The following SLC35E4 variants were observed in gnomAD, a reference collection of about 807,000 sequenced individuals.
SLC35E4 encodes the protein solute carrier family 35, member E4.
A neutral mutation model predicts 19.3 loss-of-function variants in SLC35E4; 15 were observed. That is an observed-to-expected ratio of 0.78 (90% CI 0.52 to 1.20). SLC35E4 has a LOEUF of 1.20. Ranked by LOEUF, SLC35E4 falls within the 50% of genes most tolerant of loss-of-function variation. The pLI is 0.00. For synonymous variants in SLC35E4, 219 were observed against 219.9 expected (o/e 1.00, Z 0.04); for missense variants, 406 against 472.3 (o/e 0.86, Z 1.30).
In SLC35E4 at chr22:30,636,408, G is replaced by T. The variant is rs182696498; in HGVS notation, c.-43G>T. On this transcript the variant is annotated 5_prime_UTR_variant, in exon 1 of 2. Transcript: ENST00000343605. ...GGAACTCTCTGGTGGCCCAGAGGTC[G>T]TCACTGGGGAGCCCGCCTCCTGCCC... The T allele has an allele frequency of 6.9e-7, 1 of 1,443,830 alleles. No homozygotes were observed. The highest frequency in any genetic ancestry group is 1.4e-5 in the South Asian group (1 of 70,022). The allele number at this position is 1,443,830 out of a possible 1,614,324, so 89.4% of individuals were successfully genotyped here.
chr22:30,663,968 G>C, downstream of SLC35E4: 1 of 1,614,162 alleles, frequency 6.2e-7, no homozygotes, highest in South Asian at 1.1e-5. Flanking sequence ...AGGGCTGCCG[G>C]AACTGAACTG....
chr22:30,657,945 T>C (rs1181656267), intron 2 of SLC35E4, among the ~76,000 whole-genome samples: 1 of 145,698 alleles, frequency 6.9e-6, no homozygotes, highest in Non-Finnish European at 1.5e-5. Flanking sequence ...ATAATAATAA[T>C]AATAATAATG....
At chr22:30,666,755 A>C (rs1409151236), downstream of SLC35E4, 1 of 152,232 alleles carries the variant, frequency 6.6e-6, no homozygotes, top group Non-Finnish European at 1.5e-5. Context: ...AACAGATAGT[A>C]AACAGGCAAT....
chr22:30,637,413 G>A (rs535891886), intron 1 of SLC35E4, among the ~76,000 whole-genome samples: 1 of 152,302 alleles, frequency 6.6e-6, no homozygotes, highest in South Asian at 2.1e-4. Context: ...AAGTAAGTGG[G>A]ACTACAGGTG....
downstream of SLC35E4, chr22:30,667,215 G>C (rs1454715120): frequency 6.6e-6 from 1 of 152,184 alleles, no homozygotes; most frequent in African/African-American, 2.4e-5. Flanking sequence ...ACACAGCGCG[G>C]AAAAGGACTT....
At chr22:30,659,486 G>A (rs1271440501) in intron 2 of SLC35E4, among the ~76,000 whole-genome samples, 3 of 151,798 alleles carry the variant, frequency 2.0e-5, no homozygotes, top group Non-Finnish European at 2.9e-5. Context: ...CGATTCTTCC[G>A]CCTCAGCCTC....
intron 1 of SLC35E4, among the ~76,000 whole-genome samples, chr22:30,638,497 A>G (rs1380846478): frequency 9.1e-5 from 8 of 87,462 alleles, no homozygotes; most frequent in South Asian, 6.9e-4. Flanking sequence ...GTGAGACTCC[A>G]TCTCAAAAAA....
chr22:30,665,562 A>G (rs758058430), downstream of SLC35E4: 12 of 470,828 alleles, frequency 2.5e-5, no homozygotes, highest in Non-Finnish European at 5.3e-5. Flanking sequence ...ACTTAAAGGT[A>G]ACTGTTTTAA....
Position 30,636,467 on chromosome 22 carries a change from CG to C in SLC35E4, c.19del (p.Glu7SerfsTer7). On this transcript the variant is annotated frameshift_variant, in exon 1 of 2. Coordinates refer to ENST00000343605, the MANE Select transcript of SLC35E4 (RefSeq NM_001001479.4). LOFTEE classifies it high-confidence loss of function. Reference protein sequence around the residue: MCRCPPEHHDGRMTSA... With the variant: MCRCPXEHHDGRMTSA... Reference sequence around the variant, plus strand: ...CTGGTGCGGATGTGCCGCTGCCCGCCGGAGCACCATGATGGCAGGATGACCT... The same window carrying C: ...CTGGTGCGGATGTGCCGCTGCCCGCCGAGCACCATGATGGCAGGATGACCT... The C allele has an allele frequency of 1.3e-6, 2 of 1,497,670 alleles. No individual in the cohort carries two copies. Among genetic ancestry groups the C allele is most frequent in the Non-Finnish European group, 1.8e-6 (2 of 1,116,318 alleles). The allele number at this position is 1,497,670 out of a possible 1,614,324, so 92.8% of individuals were successfully genotyped here.
chr22:30,666,832 C>T (rs1008582803), downstream of SLC35E4: 1 of 152,060 alleles, frequency 6.6e-6, no homozygotes, highest in Non-Finnish European at 1.5e-5. Flanking sequence ...TGAAATTAAA[C>T]GAGATAATCC....
Position 30,636,504 on chromosome 22 carries a change from A to C in SLC35E4, c.54A>C (p.Val18=), listed in dbSNP as rs1387911841. 2.0e-6 allele frequency: 3 copies of C among 1,537,650 alleles called. No individual in the cohort carries two copies. The highest frequency in any genetic ancestry group is 2.7e-5 in the African/African-American group (2 of 72,790). ...ATGGCAGGATGACCTCAGCCGAAGT[A>C]GGAGCAGCAGCTGGTGGTGCTCAGG... ...HHDGRMTSAE[V]GAAAGGAQAA... is the part of the protein sequence containing the mutation. The change falls in exon 1 of 2, where the codon GTA becomes GTC. Residue 18 remains valine, a synonymous_variant. Coordinates refer to ENST00000343605, the MANE Select transcript of SLC35E4 (RefSeq NM_001001479.4).
At chr22:30,645,885 A>G (rs1222162180) in intron 1 of SLC35E4, among the ~76,000 whole-genome samples, 3 of 146,218 alleles carry the variant, frequency 2.1e-5, no homozygotes, top group Non-Finnish European at 4.5e-5. Context: ...CAGTGGTGCA[A>G]TTTTGGCTCA....
downstream of SLC35E4, among the ~76,000 whole-genome samples, chr22:30,652,779 C>T (rs2088248377): frequency 6.6e-6 from 1 of 152,216 alleles, no homozygotes; most frequent in Non-Finnish European, 1.5e-5. Context: ...TTCAAGAGAA[C>T]AAGAAACCAC....
downstream of SLC35E4, chr22:30,663,577 G>A (rs1186251733): frequency 4.3e-6 from 7 of 1,614,116 alleles, no homozygotes; most frequent in African/African-American, 2.7e-5. Flanking sequence ...CCGCTGTTGG[G>A]TCGGATGATG....
rs779380940 is a variant in SLC35E4 at position 30,636,917 on chromosome 22, G to A, written c.467G>A (p.Gly156Asp). The A allele has an allele frequency of 6.2e-7, 1 of 1,611,142 alleles. No individual in the cohort carries two copies. Among genetic ancestry groups the A allele is most frequent in the Middle Eastern group, 1.7e-4 (1 of 6,050 alleles). ...CTGGCCCTGTCGGCGCTGCTGCTGG[G>A]CCGCCGCCACCACCCACTTCAGTTG... is the stretch of plus-strand genomic sequence containing the variant. ...FTLALSALLL[G>D]RRHHPLQLAA... Residue 156 changes from glycine to aspartate, a missense_variant, in exon 1 of 2, where the codon GGC (glycine) becomes GAC (aspartate). Transcript: ENST00000343605.
intron 2 of SLC35E4, chr22:30,661,456 TTTTC>T (rs1342826777): frequency 1.3e-5 from 2 of 150,650 alleles, no homozygotes; most frequent in Non-Finnish European, 1.5e-5. Context: ...TTTTTTTTTT[TTTTC>T]TTTTTGAGAT....
intron 1 of SLC35E4, among the ~76,000 whole-genome samples, chr22:30,637,435 G>A (rs1281883415): frequency 1.3e-5 from 2 of 152,132 alleles, no homozygotes; most frequent in Admixed American, 6.6e-5. Flanking sequence ...ACACCACCAC[G>A]CTAAGCTAAT....
intron 1 of SLC35E4, among the ~76,000 whole-genome samples, chr22:30,642,110 CG>C (rs2088051487): frequency 6.6e-6 from 1 of 152,044 alleles, no homozygotes. Flanking sequence ...TTCCCAGGCT[CG>C]GGCAATCCTC....
chr22:30,642,979 C>G (rs1228596021), intron 1 of SLC35E4, among the ~76,000 whole-genome samples: 1 of 149,380 alleles, frequency 6.7e-6, no homozygotes, highest in Non-Finnish European at 1.5e-5. Flanking sequence ...GCAGTGAGCC[C>G]AGATAGCGCT....
Sources: allele counts gnomAD v4.1 joint callset (sites outside exome capture counted in the v4.1 genomes callset), GRCh38; gene constraint gnomAD v4.1.1; transcripts MANE v1.5; gene names NCBI Gene and HGNC (gene_info 2026-07-23, HGNC 2026-07-21).